Variants in SLC4A4 observed in about 807,000 individuals in gnomAD.
The protein encoded by SLC4A4 is electrogenic sodium bicarbonate cotransporter 1.
SLC4A4 carries 27 observed loss-of-function variants against 111.5 expected under a neutral mutation model. The observed-to-expected ratio is 0.24, with a 90% CI of 0.18 to 0.33. The LOEUF (loss-of-function observed/expected upper bound fraction) is 0.33, where lower values mean the gene tolerates loss of function less well. Among genes scored for constraint, SLC4A4 ranks in the 10% least tolerant of loss-of-function variants. SLC4A4 has a pLI of 1.00. For missense variants in SLC4A4, 909 were observed against 1,315.5 expected (o/e 0.69, Z 4.78); for synonymous variants, 443 against 463.4 (o/e 0.96, Z 0.57).
chr4:71,169,870 T>C (rs534928972), intron 2 of SLC4A4, among the ~76,000 whole-genome samples: 3 of 152,330 alleles, frequency 2.0e-5, no homozygotes, highest in Admixed American at 2.0e-4. Flanking sequence ...GCACTTGGAA[T>C]AAGATCTTAA....
intron 4 of SLC4A4, among the ~76,000 whole-genome samples, chr4:71,340,828 A>G (rs1197368599): frequency 6.6e-6 from 1 of 152,198 alleles, no homozygotes; most frequent in Non-Finnish European, 1.5e-5. Context: ...CAATGTATTT[A>G]TAATGTCACA....
At chr4:71,521,098 A>G (rs1420316337) in intron 16 of SLC4A4, among the ~76,000 whole-genome samples, 1 of 152,080 alleles carries the variant, frequency 6.6e-6, no homozygotes, top group African/African-American at 2.4e-5. Context: ...TCAAGTTAAG[A>G]TAATGTGAGG....
intron 2 of SLC4A4, among the ~76,000 whole-genome samples, chr4:71,124,364 G>T (rs28482843): frequency 0.029 from 4,354 of 151,960 alleles, 81 homozygotes; most frequent in Middle Eastern, 0.058. Context: ...TAGAGACGGG[G>T]TTTCACCACA....
chr4:71,543,853 T>C (rs1431970986), intron 18 of SLC4A4, among the ~76,000 whole-genome samples: 2 of 151,930 alleles, frequency 1.3e-5, no homozygotes, highest in African/African-American at 4.8e-5. Flanking sequence ...CTTTTTTACC[T>C]CCCCACAAAT....
chr4:71,273,041 C>T (rs899213597), intron 3 of SLC4A4, among the ~76,000 whole-genome samples: 1 of 152,188 alleles, frequency 6.6e-6, no homozygotes, highest in Non-Finnish European at 1.5e-5. Context: ...CGTCTACCAT[C>T]ACTACAATAA....
At chr4:71,461,691 T>C (rs1726841311) in intron 12 of SLC4A4, among the ~76,000 whole-genome samples, 1 of 152,202 alleles carries the variant, frequency 6.6e-6, no homozygotes, top group Non-Finnish European at 1.5e-5. Context: ...TGATTTCTTT[T>C]AGTAAAAAAT....
intron 16 of SLC4A4, among the ~76,000 whole-genome samples, chr4:71,528,844 T>C (rs911301302): frequency 8.2e-4 from 124 of 152,034 alleles, no homozygotes; most frequent in African/African-American, 2.9e-3. Context: ...TGTGAAAAAT[T>C]CTGTATGTAC....
At chr4:71,209,361 G>A (rs1211600982) in intron 1 of SLC4A4, among the ~76,000 whole-genome samples, 2 of 152,168 alleles carry the variant, frequency 1.3e-5, no homozygotes, top group African/African-American at 4.8e-5. Context: ...GGGAGACAGG[G>A]CAGACACATT....
chr4:71,242,292 T>G (rs185371252), intron 2 of SLC4A4, among the ~76,000 whole-genome samples: 2 of 152,344 alleles, frequency 1.3e-5, no homozygotes, highest in East Asian at 1.9e-4. Flanking sequence ...AGATTGAGCT[T>G]CTTTTTAGAA....
chr4:71,473,042 T>G (rs1424164795), intron 14 of SLC4A4, 72 bp downstream of exon 14: 1 of 1,517,270 alleles, frequency 6.6e-7, no homozygotes, highest in South Asian at 1.1e-5. Flanking sequence ...TGCTTGCAAA[T>G]TTTCAACATG....
At chr4:71,310,088 T>C (rs1490450651) in intron 3 of SLC4A4, among the ~76,000 whole-genome samples, 1 of 151,410 alleles carries the variant, frequency 6.6e-6, no homozygotes, top group Non-Finnish European at 1.5e-5. Context: ...ATATCAGAGA[T>C]TGAAGATGAA....
At chr4:71,567,390 C>A (rs1737583182) in intron 25 of SLC4A4, among the ~76,000 whole-genome samples, 1 of 151,722 alleles carries the variant, frequency 6.6e-6, no homozygotes, top group Non-Finnish European at 1.5e-5. Context: ...TCTGACAGTT[C>A]TTCTCCAGTG....
chr4:71,230,636 T>C (rs1719355395), intron 1 of SLC4A4, among the ~76,000 whole-genome samples: 1 of 152,204 alleles, frequency 6.6e-6, no homozygotes, highest in Non-Finnish European at 1.5e-5. Flanking sequence ...GGTATGGGCA[T>C]GTTAAACACT....
chr4:71,221,168 C>T (rs544278255), intron 1 of SLC4A4, among the ~76,000 whole-genome samples: 1 of 152,300 alleles, frequency 6.6e-6, no homozygotes, highest in South Asian at 2.1e-4. Context: ...AATAGTGCTG[C>T]AGTGAACATT....
At chr4:71,328,967 T>G (rs755408630) in intron 3 of SLC4A4, among the ~76,000 whole-genome samples, 6 of 152,170 alleles carry the variant, frequency 3.9e-5, no homozygotes, top group Non-Finnish European at 5.9e-5. Context: ...AATTTAAGTC[T>G]TTAATCCATT....
intron 2 of SLC4A4, among the ~76,000 whole-genome samples, chr4:71,160,836 T>G (rs537162767): frequency 1.3e-5 from 2 of 152,136 alleles, no homozygotes; most frequent in Non-Finnish European, 2.9e-5. Flanking sequence ...TTTGCACTAA[T>G]TTTTCTTTAC....
intron 23 of SLC4A4, among the ~76,000 whole-genome samples, chr4:71,562,954 A>T (rs1050793628): frequency 2.6e-5 from 4 of 151,674 alleles, no homozygotes; most frequent in Non-Finnish European, 1.5e-5. Flanking sequence ...ACTAAAAACC[A>T]TCTTTTTGGT....
chr4:71,477,104 A>G (rs770135724), intron 14 of SLC4A4, among the ~76,000 whole-genome samples: 33 of 151,768 alleles, frequency 2.2e-4, no homozygotes, highest in Non-Finnish European at 4.3e-4. Context: ...TGTAAATACT[A>G]TGTGCTTTAG....
At chr4:71,109,988 T>C (rs545697316) in intron 2 of SLC4A4, among the ~76,000 whole-genome samples, 3 of 152,280 alleles carry the variant, frequency 2.0e-5, no homozygotes, top group East Asian at 3.9e-4. Flanking sequence ...GGGTAGCTAT[T>C]GCTGAGCTAA....
Sources: gnomAD v4.1 joint callset for allele counts (sites outside exome capture counted in the v4.1 genomes callset) on GRCh38, gnomAD v4.1.1 for gene constraint, MANE v1.5 for transcripts, NCBI Gene and HGNC (gene_info 2026-07-23, HGNC 2026-07-21) for gene names.